OR10H5: variants seen among roughly 807,000 people sequenced by gnomAD.
The protein encoded by OR10H5 is olfactory receptor family 10 subfamily H member 5, also known as olfactory receptor 10H5.
A neutral mutation model predicts 12.2 loss-of-function variants in OR10H5; 7 were observed. The observed-to-expected ratio is 0.57, with a 90% CI of 0.33 to 1.07. The LOEUF is 1.07. Among genes scored for constraint, OR10H5 ranks in the 50% least tolerant of loss-of-function variants. The pLI, the probability that OR10H5 is intolerant of heterozygous loss-of-function variation, is 0.04. For synonymous variants in OR10H5, 159 were observed against 175.1 expected, an observed-to-expected ratio of 0.91 and a Z score of 0.73; for missense variants, 346 against 411.6, an observed-to-expected ratio of 0.84 and a Z score of 1.38.
rs571529900 is a variant in OR10H5 at position 15,795,075 on chromosome 19, C to G, written c.*79C>G. 1 of 1,239,074 alleles carries G rather than the reference C, an allele frequency of 8.1e-7. No individual in the cohort carries two copies. Among genetic ancestry groups the G allele is most frequent in the Non-Finnish European group, 1.1e-6 (1 of 890,550 alleles). The allele number at this position is 1,239,074 out of a possible 1,614,324, so 76.8% of individuals were successfully genotyped here. On this transcript the variant is annotated 3_prime_UTR_variant, in exon 2 of 2. Coordinates refer to ENST00000642092, the MANE Select transcript of OR10H5 (RefSeq NM_001004466.2). The stretch of plus-strand genomic sequence containing the variant: ...TCCTTTATTTCTTTTCCTTTCCTCC[C>G]TCCCTCCTTTCCTCCCTCCCTCCCT...
chr19:15,795,228 T>G lies in OR10H5; in HGVS notation c.*232T>G. 1.9e-6 allele frequency: 1 copy of G among 515,494 alleles called. No homozygotes were observed. Among genetic ancestry groups the G allele is most frequent in the Non-Finnish European group, 3.4e-6 (1 of 291,808 alleles). 31.9% of individuals were successfully genotyped at this position (515,494 alleles called of 1,614,324 possible). A position where few individuals can be genotyped will look rare whatever the true frequency, so the allele number is the denominator to read the frequency against. On this transcript the variant is annotated 3_prime_UTR_variant, in exon 2 of 2. Coordinates refer to ENST00000642092, the MANE Select transcript of OR10H5 (RefSeq NM_001004466.2). ...TCCCTCCCTCCCTCCCCCTTCCTTC[T>G]TCTCTGCCTACTTCCCTCTTTCCCT...
At chr19:15,789,450 C>A (rs1375481612) in intron 1 of OR10H5, among the ~76,000 whole-genome samples, 1 of 152,320 alleles carries the variant, frequency 6.6e-6, no homozygotes, top group South Asian at 2.1e-4. Context: ...TGGGAGCCTG[C>A]GTGTGTGCCA....
intron 1 of OR10H5, among the ~76,000 whole-genome samples, chr19:15,790,966 A>T (rs2088806867): frequency 6.6e-6 from 1 of 152,144 alleles, no homozygotes. Flanking sequence ...TTTCTCATAG[A>T]AGTAAAAAGT....
chr19:15,797,253 C>A lies in OR10H5; in HGVS notation c.*2257C>A, dbSNP rs977804144. 1.3e-5 allele frequency: 2 copies of A among 152,176 alleles called. No individual in the cohort carries two copies. Among genetic ancestry groups the A allele is most frequent in the South Asian group, 4.1e-4 (2 of 4,820 alleles). The allele number at this position is 152,176 out of a possible 1,614,324, so 9.4% of individuals were successfully genotyped here. A position where few individuals can be genotyped will look rare whatever the true frequency, so the allele number is the denominator to read the frequency against. On this transcript the variant is annotated 3_prime_UTR_variant, in exon 2 of 2. Transcript: ENST00000642092. ...TGTTAAACTTCCACCCCCATCACCTCGAGTTGTCATGGAAAAGAGAATGTT... is the reference window on the plus strand; with the variant it reads ...TGTTAAACTTCCACCCCCATCACCTAGAGTTGTCATGGAAAAGAGAATGTT...
At chr19:15,789,828 C>T (rs1368174686) in intron 1 of OR10H5, among the ~76,000 whole-genome samples, 2 of 145,710 alleles carry the variant, frequency 1.4e-5, no homozygotes, top group African/African-American at 2.6e-5. Flanking sequence ...GTCACCCAGG[C>T]TGGAATGTAG....
At position 15,796,378 on chromosome 19, in the gene OR10H5, A is replaced by G. The variant is rs544843643; in HGVS notation, c.*1382A>G. On this transcript the variant is annotated 3_prime_UTR_variant, in exon 2 of 2. Coordinates refer to ENST00000642092, the MANE Select transcript of OR10H5 (RefSeq NM_001004466.2). ...CCCAGTGTCAGAGAATTAGGGATAC[A>G]CCTTATGAGTTTGGCCAAACTGGCT... 9 of 152,242 alleles carry G rather than the reference A, an allele frequency of 5.9e-5. No individual in the cohort carries two copies. The highest frequency in any genetic ancestry group is 1.9e-4 in the African/African-American group (8 of 41,540). 9.4% of individuals were successfully genotyped at this position (152,242 alleles called of 1,614,324 possible).
chr19:15,794,678 C>A lies in OR10H5; in HGVS notation c.630C>A (p.Gly210=), dbSNP rs2144929620. Residue 210 remains glycine, a synonymous_variant, in exon 2 of 2, where the codon GGC becomes GGA. Transcript: ENST00000642092. ...TGGTGTGTATCACGGCCCTGCTGGG[C>A]TGTTTTCTCCTCATCCTCCTCTCCT... ...VGLVCITALL[G]CFLLILLSYA... 1 of 1,614,112 alleles carries A rather than the reference C, an allele frequency of 6.2e-7. No individual in the cohort carries two copies. Among genetic ancestry groups the A allele is most frequent in the Non-Finnish European group, 8.5e-7 (1 of 1,179,974 alleles).
In OR10H5 at chr19:15,798,792, T is replaced by G. The variant is rs1422327195; in HGVS notation, c.*3796T>G. On this transcript the variant is annotated 3_prime_UTR_variant, in exon 2 of 2. Transcript: ENST00000642092. ...TTTTTTTTGAGATGGAATCTAGCTC[T>G]GTCTCCCAGCCTGGAGTGCAGTGGT... 6.9e-6 allele frequency: 1 copy of G among 144,878 alleles called. No homozygotes were observed. The highest frequency in any genetic ancestry group is 2.0e-4 in the East Asian group (1 of 4,952). 9.0% of individuals were successfully genotyped at this position (144,878 alleles called of 1,614,324 possible). A position where few individuals can be genotyped will look rare whatever the true frequency, so the allele number is the denominator to read the frequency against.
chr19:15,787,938 C>A lies in OR10H5; in HGVS notation c.-12+222C>A, dbSNP rs557090092. ...GATCAGCCTGTCCTCACTCCAAGTC[C>A]CCCATAGAGTCCACCTACTGCCTAG... On this transcript the variant is annotated intron_variant, in intron 1 of 1. Coordinates refer to ENST00000642092, the MANE Select transcript of OR10H5 (RefSeq NM_001004466.2). 1.5e-3 allele frequency among the ~76,000 whole-genome samples: 224 copies of A among 152,154 alleles called. 3 individuals carry two copies. The highest frequency in any genetic ancestry group is 8.2e-4 in the Non-Finnish European group (56 of 68,020).
chr19:15,789,660 G>C (rs1285212705), intron 1 of OR10H5, among the ~76,000 whole-genome samples: 1 of 152,200 alleles, frequency 6.6e-6, no homozygotes, highest in Non-Finnish European at 1.5e-5. Context: ...ACTTGTGCAG[G>C]GGAGTTGGAG....
chr19:15,789,791 T>C (rs1201715637), intron 1 of OR10H5, among the ~76,000 whole-genome samples: 1 of 149,806 alleles, frequency 6.7e-6, no homozygotes, highest in Admixed American at 6.6e-5. Context: ...CTTTTCTTTT[T>C]TTTTTTTTGA....
In OR10H5 at chr19:15,794,166, C is replaced by G; in HGVS notation, c.118C>G (p.Leu40Val). The G allele has an allele frequency of 6.2e-7, 1 of 1,614,156 alleles. No individual in the cohort carries two copies. The highest frequency in any genetic ancestry group is 8.5e-7 in the Non-Finnish European group (1 of 1,180,030). The change falls in exon 2 of 2, where the codon CTG (leucine) becomes GTG (valine). Residue 40 changes from leucine (L) to valine (V), a missense_variant. Coordinates refer to ENST00000642092, the MANE Select transcript of OR10H5 (RefSeq NM_001004466.2). The part of the protein sequence containing the change: ...LFLLMYLFTL[L>V]GNLLIMATVW... ...CCTGCTGATGTACCTGTTCACGCTG[C>G]TGGGCAACCTGCTCATCATGGCCAC...
At chr19:15,792,068 G>A (rs1419715518) in intron 1 of OR10H5, among the ~76,000 whole-genome samples, 1 of 151,602 alleles carries the variant, frequency 6.6e-6, no homozygotes, top group Non-Finnish European at 1.5e-5. Flanking sequence ...TTGAAAATAT[G>A]CAATAAGTTA....
chr19:15,797,253 C>T lies in OR10H5; in HGVS notation c.*2257C>T, dbSNP rs977804144. ...TGTTAAACTTCCACCCCCATCACCT[C>T]GAGTTGTCATGGAAAAGAGAATGTT... On this transcript the variant is annotated 3_prime_UTR_variant, in exon 2 of 2. Coordinates refer to ENST00000642092, the MANE Select transcript of OR10H5 (RefSeq NM_001004466.2). 1.3e-5 allele frequency: 2 copies of T among 152,176 alleles called. No homozygotes were observed. The highest frequency in any genetic ancestry group is 2.1e-4 in the South Asian group (1 of 4,820). The allele number at this position is 152,176 out of a possible 1,614,324, so 9.4% of individuals were successfully genotyped here.
intron 1 of OR10H5, among the ~76,000 whole-genome samples, chr19:15,789,643 G>C (rs2088799902): frequency 6.6e-6 from 1 of 152,172 alleles, no homozygotes; most frequent in African/African-American, 2.4e-5. Flanking sequence ...TCCTTCCCTA[G>C]GTCTAGACTT....
intron 1 of OR10H5, among the ~76,000 whole-genome samples, chr19:15,791,715 C>T (rs181113825): frequency 2.7e-4 from 40 of 149,022 alleles, no homozygotes; most frequent in Middle Eastern, 6.9e-3. Context: ...TTTTTTGAGA[C>T]GGAGTCTCGC....
intron 1 of OR10H5, 188 bp from the exon 2 acceptor site, chr19:15,793,850 G>T: frequency 1.7e-6 from 1 of 593,794 alleles, no homozygotes; most frequent in Non-Finnish European, 3.0e-6. Context: ...CTGCACTCCA[G>T]CCTGGGTGAC....
intron 1 of OR10H5, among the ~76,000 whole-genome samples, chr19:15,793,518 C>T (rs559768546): frequency 7.9e-5 from 12 of 152,086 alleles, no homozygotes; most frequent in South Asian, 2.1e-4. Context: ...CCTCTGCCTC[C>T]GCCTCCCAAA....
chr19:15,798,488 A>C lies in OR10H5; in HGVS notation c.*3492A>C, dbSNP rs748565109. 6.6e-6 allele frequency: 1 copy of C among 152,142 alleles called. No individual in the cohort carries two copies. The highest frequency in any genetic ancestry group is 1.5e-5 in the Non-Finnish European group (1 of 68,054). 9.4% of individuals were successfully genotyped at this position (152,142 alleles called of 1,614,324 possible). A position where few individuals can be genotyped will look rare whatever the true frequency, so the allele number is the denominator to read the frequency against. Reference sequence around the variant, plus strand: ...GGCAGGACCAGAGCCCAGAGAGGTGATTAAGGGGCAGGAGATCCCAGGCTT... The same window carrying C: ...GGCAGGACCAGAGCCCAGAGAGGTGCTTAAGGGGCAGGAGATCCCAGGCTT... On this transcript the variant is annotated 3_prime_UTR_variant, in exon 2 of 2. Transcript: ENST00000642092.
Sources: gnomAD v4.1 joint callset for allele counts (sites outside exome capture counted in the v4.1 genomes callset) on GRCh38, gnomAD v4.1.1 for gene constraint, MANE v1.5 for transcripts, NCBI Gene and HGNC (gene_info 2026-07-23, HGNC 2026-07-21) for gene names.